Variants in WWOX observed in about 807,000 individuals in gnomAD.
The protein encoded by WWOX is WW domain containing oxidoreductase.
A neutral mutation model predicts 46.2 loss-of-function variants in WWOX; 69 were observed. That is an observed-to-expected ratio of 1.49 (90% CI 1.23 to 1.82). WWOX has a LOEUF of 1.82. Among genes scored for constraint, WWOX ranks in the 40% most tolerant of loss-of-function variants. The pLI is 0.00. For missense variants in WWOX, 919 were observed against 542.6 expected (o/e 1.69, Z -6.89); for synonymous variants, 359 against 202.6 (o/e 1.77, Z -6.56).
intron 8 of WWOX, among the ~76,000 whole-genome samples, chr16:79,069,167 A>G (rs1361807701): frequency 6.6e-6 from 1 of 152,224 alleles, no homozygotes; most frequent in East Asian, 1.9e-4. Context: ...TGGCGAAGGT[A>G]AATGCACCTG....
chr16:78,332,596 C>T (rs1009487828), intron 5 of WWOX, among the ~76,000 whole-genome samples: 4 of 152,154 alleles, frequency 2.6e-5, no homozygotes, highest in Admixed American at 6.5e-5. Flanking sequence ...TTCAATTAAG[C>T]GGGCAGGTAA....
chr16:79,196,864 A>C (rs2051250959), intron 8 of WWOX, among the ~76,000 whole-genome samples: 1 of 152,186 alleles, frequency 6.6e-6, no homozygotes, highest in Admixed American at 6.5e-5. Flanking sequence ...AAGGTCTGGC[A>C]GATCTGGATC....
At chr16:78,121,455 T>C (rs2033088701) in intron 4 of WWOX, among the ~76,000 whole-genome samples, 1 of 152,146 alleles carries the variant, frequency 6.6e-6, no homozygotes, top group Non-Finnish European at 1.5e-5. Context: ...TTATTGGACA[T>C]TGAGTGTACA....
At chr16:78,478,727 C>T (rs1831922349) in intron 8 of WWOX, among the ~76,000 whole-genome samples, 1 of 152,196 alleles carries the variant, frequency 6.6e-6, no homozygotes, top group South Asian at 2.1e-4. Context: ...TCCTGTGGTC[C>T]TTATGAATAT....
intron 8 of WWOX, among the ~76,000 whole-genome samples, chr16:78,980,891 T>C (rs901411595): frequency 6.6e-6 from 1 of 152,196 alleles, no homozygotes; most frequent in Admixed American, 6.5e-5. Context: ...TGGGTAAATG[T>C]AGAGGTGATG....
intron 8 of WWOX, among the ~76,000 whole-genome samples, chr16:79,005,247 C>G (rs2047168403): frequency 6.6e-6 from 1 of 152,078 alleles, no homozygotes; most frequent in Non-Finnish European, 1.5e-5. Context: ...CTAAGTTTCC[C>G]AAGAGCCGAT....
chr16:78,473,544 C>T (rs2084281660), intron 8 of WWOX, among the ~76,000 whole-genome samples: 1 of 144,448 alleles, frequency 6.9e-6, no homozygotes, highest in African/African-American at 2.8e-5. Context: ...TTGCCAACAC[C>T]CAGGTGAGCA....
At chr16:78,239,597 C>T (rs568564843) in intron 5 of WWOX, among the ~76,000 whole-genome samples, 4 of 152,146 alleles carry the variant, frequency 2.6e-5, no homozygotes, top group African/African-American at 7.2e-5. Context: ...TGCAGCAGCG[C>T]GATCTTGGCT....
At chr16:78,122,225 G>A (rs576017506) in intron 4 of WWOX, among the ~76,000 whole-genome samples, 82 of 152,248 alleles carry the variant, frequency 5.4e-4, no homozygotes, top group Middle Eastern at 3.4e-3. Flanking sequence ...GTGGGTCTTG[G>A]AACGCATCTC....
intron 8 of WWOX, among the ~76,000 whole-genome samples, chr16:78,477,613 T>C (rs973223908): frequency 3.3e-5 from 5 of 150,728 alleles, no homozygotes; most frequent in African/African-American, 1.2e-4. Flanking sequence ...TGTGAGATTT[T>C]ATTTTTTTTC....
intron 5 of WWOX, among the ~76,000 whole-genome samples, chr16:78,226,482 T>TGTCTTCCC (rs1319040762): frequency 5.2e-5 from 7 of 134,218 alleles, no homozygotes; most frequent in Admixed American, 1.6e-4. Flanking sequence ...CTGTCCTGTC[T>TGTCTTCCC]TCCCTCCCTC....
At chr16:78,148,679 C>G (rs986059773) in intron 4 of WWOX, among the ~76,000 whole-genome samples, 3 of 151,714 alleles carry the variant, frequency 2.0e-5, no homozygotes, top group Non-Finnish European at 4.4e-5. Context: ...GGGTAGATCA[C>G]GAGGTCAGGA....
intron 5 of WWOX, among the ~76,000 whole-genome samples, chr16:78,242,867 G>T (rs2037700293): frequency 6.6e-6 from 1 of 152,130 alleles, no homozygotes; most frequent in African/African-American, 2.4e-5. Flanking sequence ...AATTAGCTGG[G>T]TATGGTGGTG....
intron 8 of WWOX, among the ~76,000 whole-genome samples, chr16:78,501,467 T>C (rs920256273): frequency 6.6e-6 from 1 of 152,002 alleles, no homozygotes; most frequent in Non-Finnish European, 1.5e-5. Flanking sequence ...TCCAACCTTT[T>C]TGCTGGCTCT....
chr16:78,535,292 C>G (rs979440921), intron 8 of WWOX: 6 of 152,218 alleles, frequency 3.9e-5, no homozygotes, highest in African/African-American at 1.2e-4. Flanking sequence ...TAGGTTAGGT[C>G]TCTGGAAACG....
intron 8 of WWOX, among the ~76,000 whole-genome samples, chr16:78,626,165 C>A: frequency 6.6e-6 from 1 of 151,384 alleles, no homozygotes; most frequent in Admixed American, 6.6e-5. Context: ...GAGTCTGGCT[C>A]TTTTGCCCAG....
chr16:79,052,114 G>A (rs1232653068), intron 8 of WWOX, among the ~76,000 whole-genome samples: 3 of 150,600 alleles, frequency 2.0e-5, no homozygotes, highest in Non-Finnish European at 4.4e-5. Context: ...ATGTATACAT[G>A]TGCCATGCTG....
chr16:78,919,364 G>C (rs1273965778), intron 8 of WWOX, among the ~76,000 whole-genome samples: 1 of 151,938 alleles, frequency 6.6e-6, no homozygotes. Flanking sequence ...TTTGCATCCA[G>C]GCAGTTGAGT....
chr16:79,043,839 G>A (rs1261563725), intron 8 of WWOX, among the ~76,000 whole-genome samples: 1 of 152,210 alleles, frequency 6.6e-6, no homozygotes, highest in Admixed American at 6.5e-5. Flanking sequence ...TAGATGGGAT[G>A]TAGAGAGCAA....
Sources: allele counts gnomAD v4.1 joint callset (sites outside exome capture counted in the v4.1 genomes callset), GRCh38; gene constraint gnomAD v4.1.1; transcripts MANE v1.5; gene names NCBI Gene and HGNC (gene_info 2026-07-23, HGNC 2026-07-21).